Variants in SHROOM3 observed in about 807,000 individuals in gnomAD.
The protein encoded by SHROOM3 is protein Shroom3.
Under a neutral mutation model 138.6 loss-of-function variants are expected in SHROOM3, and 47 were observed. The ratio of observed to expected loss-of-function variants is 0.34; its 90% CI spans 0.27 to 0.43. The LOEUF is 0.43. Among genes scored for constraint, SHROOM3 ranks in the 20% least tolerant of loss-of-function variants. The probability of loss-of-function intolerance (pLI) is 1.00; values close to 1 mark genes in which losing one functional copy is unlikely to be tolerated. For missense variants in SHROOM3, 2,491 were observed against 2,596.5 expected (o/e 0.96, Z 0.88); for synonymous variants, 1,062 against 1,063.3 (o/e 1.00, Z 0.02).
At chr4:76,751,783 T>C (rs1721631897) in intron 6 of SHROOM3, among the ~76,000 whole-genome samples, 1 of 152,116 alleles carries the variant, frequency 6.6e-6, no homozygotes, top group Non-Finnish European at 1.5e-5. Context: ...CACATTAGAA[T>C]GGCTGCAATT....
chr4:76,710,193 G>A lies in SHROOM3; in HGVS notation c.361G>A (p.Ala121Thr), dbSNP rs927229290. ...CTDPGHADTG[A>T]SNFVSPEHLT... Reference sequence around the variant, plus strand: ...AGACCCAGGCCATGCAGATACTGGTGCCTCTAACTTCGTCAGCCCAGAACA... The same window carrying A: ...AGACCCAGGCCATGCAGATACTGGTACCTCTAACTTCGTCAGCCCAGAACA... Residue 121 changes from alanine to threonine, a missense_variant, in exon 3 of 11, where the codon GCC becomes ACC. Around this residue, in one of 4 missense-constraint regions of SHROOM3, gnomAD observed 284 missense variants for 322.8 expected, o/e 0.88. Transcript: ENST00000296043. 1.2e-6 allele frequency: 2 copies of A among 1,614,186 alleles called. No individual in the cohort carries two copies. Among genetic ancestry groups the A allele is most frequent in the East Asian group, 2.2e-5 (1 of 44,882 alleles).
rs746339776 is a variant in SHROOM3, at chr4:76,507,720, A to C, written c.169-47889A>C. Among the ~76,000 whole-genome samples the C allele has an allele frequency of 5.3e-4, 80 of 150,800 alleles. 1 individual carries two copies. Among genetic ancestry groups the C allele is most frequent in the Admixed American group, 1.8e-3 (28 of 15,166 alleles). ...TGCCTGGCCTGGCTAATTTTTTTGTATTTTTAGTAGAGTCAGGGTTTCACC... is the reference window on the plus strand; with the variant it reads ...TGCCTGGCCTGGCTAATTTTTTTGTCTTTTTAGTAGAGTCAGGGTTTCACC... On this transcript the variant is annotated intron_variant, in intron 1 of 10. Coordinates refer to ENST00000296043, the MANE Select transcript of SHROOM3 (RefSeq NM_020859.4).
chr4:76,610,091 C>G (rs1734730653), intron 2 of SHROOM3, among the ~76,000 whole-genome samples: 1 of 152,220 alleles, frequency 6.6e-6, no homozygotes, highest in Non-Finnish European at 1.5e-5. Flanking sequence ...AGGATATAAT[C>G]TCAAAGCTAC....
rs370033081 is a variant in SHROOM3 at position 76,565,159 on chromosome 4, T to TAA, written c.323+9396_323+9397insAA. Among the ~76,000 whole-genome samples the TAA allele has an allele frequency of 6.3e-4, 48 of 75,636 alleles. 4 individuals carry two copies. The highest frequency in any genetic ancestry group is 1.5e-3 in the African/African-American group (30 of 19,634). The allele number at this position is 75,636 out of a possible 152,430, so 49.6% of individuals were successfully genotyped here. ...CTGGGTGACAGGGCGAGACTCCATT[T>TAA]CAAAAAAAAAAAAAAAAAAAAAAGA... On this transcript the variant is annotated intron_variant, in intron 2 of 10. Coordinates refer to ENST00000296043, the MANE Select transcript of SHROOM3 (RefSeq NM_020859.4).
In SHROOM3 at chr4:76,555,506, C is replaced by T. The variant is rs765351616; in HGVS notation, c.169-103C>T. The stretch of plus-strand genomic sequence containing the variant: ...GCGCTGGGGTGTGGCCCTAGCTGGT[C>T]CGTTGGGCTCTGCAGGAGTCTAAGC... On this transcript the variant is annotated intron_variant, in intron 1 of 10. Coordinates refer to ENST00000296043, the MANE Select transcript of SHROOM3 (RefSeq NM_020859.4). 5.0e-5 allele frequency: 78 copies of T among 1,544,730 alleles called. 1 individual carries two copies. The highest frequency in any genetic ancestry group is 8.2e-5 in the African/African-American group (6 of 73,404).
intron 2 of SHROOM3, among the ~76,000 whole-genome samples, chr4:76,683,341 G>T (rs889616049): frequency 6.6e-6 from 1 of 152,068 alleles, no homozygotes; most frequent in African/African-American, 2.4e-5. Context: ...ACAGCCTGGG[G>T]TGTGTTCTTC....
chr4:76,549,390 A>G (rs1046984717), intron 1 of SHROOM3, among the ~76,000 whole-genome samples: 4 of 149,620 alleles, frequency 2.7e-5, no homozygotes, highest in African/African-American at 4.9e-5. Flanking sequence ...TTTTTTTGAG[A>G]TGGCGTCTCG....
At chr4:76,492,401 G>A (rs1041355926) in intron 1 of SHROOM3, among the ~76,000 whole-genome samples, 2 of 152,206 alleles carry the variant, frequency 1.3e-5, no homozygotes, top group South Asian at 4.1e-4. Flanking sequence ...ATTTCAAAAT[G>A]AGATTCAAAA....
At chr4:76,639,462 C>A (rs1291890243) in intron 2 of SHROOM3, 1 of 397,060 alleles carries the variant, frequency 2.5e-6, no homozygotes, top group Non-Finnish European at 4.4e-6. Flanking sequence ...GTTTTTATAA[C>A]CAGTGCCAGC....
chr4:76,546,391 A>G (rs1230157861), intron 1 of SHROOM3, among the ~76,000 whole-genome samples: 4 of 152,196 alleles, frequency 2.6e-5, no homozygotes, highest in Non-Finnish European at 4.4e-5. Context: ...ACCCTGTGGC[A>G]CTCATTGCAA....
At chr4:76,757,811 A>G (rs979576062) in intron 8 of SHROOM3, among the ~76,000 whole-genome samples, 2 of 152,196 alleles carry the variant, frequency 1.3e-5, no homozygotes, top group Non-Finnish European at 2.9e-5. Context: ...TTAAAAGACT[A>G]CTATGAGAAA....
chr4:76,769,122 T>G (rs569891495), intron 9 of SHROOM3, among the ~76,000 whole-genome samples: 25 of 133,284 alleles, frequency 1.9e-4, no homozygotes, highest in Middle Eastern at 7.2e-3. Context: ...GTGTGTGTGT[T>G]TTTTTTTTCC....
At position 76,501,134 on chromosome 4, in the gene SHROOM3, A is replaced by T. The variant is rs1732083677; in HGVS notation, c.169-54475A>T. 2.6e-5 allele frequency among the ~76,000 whole-genome samples: 4 copies of T among 152,156 alleles called. No individual in the cohort carries two copies. The South Asian group carries it at 8.3e-4, about 32-fold the overall frequency. ...TGCATGGCCTTTTTGCCCATTTTTAAATTAGATTGTCTTTTCTTTTGGATT... is the reference window on the plus strand; with the variant it reads ...TGCATGGCCTTTTTGCCCATTTTTATATTAGATTGTCTTTTCTTTTGGATT... On this transcript the variant is annotated intron_variant, in intron 1 of 10. Transcript: ENST00000296043.
At chr4:76,608,068 G>T (rs1434851598) in intron 2 of SHROOM3, among the ~76,000 whole-genome samples, 2 of 152,200 alleles carry the variant, frequency 1.3e-5, no homozygotes, top group African/African-American at 4.8e-5. Flanking sequence ...CTGTGAGGCT[G>T]ACTACATAGG....
chr4:76,454,188 C>T (rs1416745186), intron 1 of SHROOM3, among the ~76,000 whole-genome samples: 2 of 152,056 alleles, frequency 1.3e-5, no homozygotes, highest in East Asian at 1.9e-4. Flanking sequence ...GGATTATAGG[C>T]GTCAACCACC....
intron 2 of SHROOM3, among the ~76,000 whole-genome samples, chr4:76,675,656 A>C (rs1026383190): frequency 1.3e-5 from 2 of 152,192 alleles, no homozygotes; most frequent in African/African-American, 2.4e-5. Context: ...CCAGGAATTC[A>C]AGACCAGCCT....
chr4:76,591,771 T>C (rs1274772700), intron 2 of SHROOM3, among the ~76,000 whole-genome samples: 2 of 150,520 alleles, frequency 1.3e-5, no homozygotes, highest in Non-Finnish European at 3.0e-5. Context: ...TTCTATAAAG[T>C]CCTGACTCAT....
At chr4:76,586,460 C>T (rs1447041218) in intron 2 of SHROOM3, 1 of 985,358 alleles carries the variant, frequency 1.0e-6, no homozygotes, top group African/African-American at 1.7e-5. Flanking sequence ...TGGGCATAGA[C>T]TTCCTTAAGG....
chr4:76,780,147 T>C lies in SHROOM3; in HGVS notation c.*970T>C, dbSNP rs1722695613. The C allele has an allele frequency of 6.6e-6, 1 of 152,080 alleles. No homozygotes were observed. The highest frequency in any genetic ancestry group is 2.4e-5 in the African/African-American group (1 of 41,524). The allele number at this position is 152,080 out of a possible 1,614,324, so 9.4% of individuals were successfully genotyped here. A position where few individuals can be genotyped will look rare whatever the true frequency, so the allele number is the denominator to read the frequency against. ...CTGTTTATTGAGGCTGTTTTAATGA[T>C]GCTTTAAAAAAAAAAAATGTTTTCT... On this transcript the variant is annotated 3_prime_UTR_variant, in exon 11 of 11. Coordinates refer to ENST00000296043, the MANE Select transcript of SHROOM3 (RefSeq NM_020859.4).
Sources: gnomAD v4.1 joint callset for allele counts (sites outside exome capture counted in the v4.1 genomes callset) on GRCh38, gnomAD v4.1.1 for gene constraint, gnomAD v4.1.1 regional missense constraint, MANE v1.5 for transcripts, NCBI Gene and HGNC (gene_info 2026-07-23, HGNC 2026-07-21) for gene names.